KLHL32: variants seen among roughly 807,000 people sequenced by gnomAD.
The protein encoded by KLHL32 is kelch like family member 32.
Under a neutral mutation model 64.8 loss-of-function variants are expected in KLHL32, and 35 were observed. The ratio of observed to expected loss-of-function variants is 0.54; its 90% CI spans 0.41 to 0.72. The LOEUF (loss-of-function observed/expected upper bound fraction) is 0.72, where lower values mean the gene tolerates loss of function less well. Among genes scored for constraint, KLHL32 ranks in the 30% least tolerant of loss-of-function variants. The probability of loss-of-function intolerance (pLI) is 0.00; values close to 1 mark genes in which losing one functional copy is unlikely to be tolerated. For missense variants in KLHL32, 589 were observed against 768.5 expected (o/e 0.77, Z 2.76); for synonymous variants, 259 against 281.0 (o/e 0.92, Z 0.78).
At chr6:97,119,811 C>A (rs2128215199) in intron 7 of KLHL32, among the ~76,000 whole-genome samples, 1 of 152,086 alleles carries the variant, frequency 6.6e-6, no homozygotes, top group African/African-American at 2.4e-5. Flanking sequence ...CATGTAACAG[C>A]CTCATTTTTT....
chr6:96,975,248 A>G (rs2128042958), intron 2 of KLHL32, among the ~76,000 whole-genome samples: 1 of 152,384 alleles, frequency 6.6e-6, no homozygotes, highest in East Asian at 1.9e-4. Flanking sequence ...GCAATCTCAC[A>G]AAGTAGAACA....
intron 1 of KLHL32, among the ~76,000 whole-genome samples, chr6:96,935,345 G>C (rs1032147507): frequency 1.3e-5 from 2 of 152,186 alleles, no homozygotes; most frequent in Non-Finnish European, 2.9e-5. Flanking sequence ...TGAAGAAAAA[G>C]TCTTTTGACC....
At position 97,036,386 on chromosome 6, in the gene KLHL32, A is replaced by G. The variant is rs542399634; in HGVS notation, c.205-5106A>G. Among the ~76,000 whole-genome samples the G allele has an allele frequency of 5.3e-5, 8 of 152,320 alleles. No homozygotes were observed. The South Asian group carries it at 1.7e-3, about 32-fold the overall frequency. ...CATTTCTTTGGGATCATTACTGGAA[A>G]TTATCATATTCCTTTAGTGGTGTTA... On this transcript the variant is annotated intron_variant, in intron 3 of 10. Coordinates refer to ENST00000369261, the MANE Select transcript of KLHL32 (RefSeq NM_052904.4).
chr6:96,990,564 C>A (rs1777734130), intron 3 of KLHL32, among the ~76,000 whole-genome samples: 1 of 152,192 alleles, frequency 6.6e-6, no homozygotes. Flanking sequence ...GTGCACACTG[C>A]AGCTCTGGGG....
At chr6:97,082,362 C>A (rs1387989019) in intron 5 of KLHL32, among the ~76,000 whole-genome samples, 2 of 152,166 alleles carry the variant, frequency 1.3e-5, no homozygotes, top group East Asian at 1.9e-4. Context: ...ACCTGTAATC[C>A]CAGCACTTTG....
chr6:97,083,129 T>A (rs895590205), intron 5 of KLHL32, among the ~76,000 whole-genome samples: 1 of 152,092 alleles, frequency 6.6e-6, no homozygotes, highest in East Asian at 1.9e-4. Context: ...CCGTGGCTCA[T>A]GCCTGTAATC....
At chr6:97,009,072 T>C (rs1780033795) in intron 3 of KLHL32, among the ~76,000 whole-genome samples, 1 of 151,880 alleles carries the variant, frequency 6.6e-6, no homozygotes, top group Admixed American at 6.6e-5. Flanking sequence ...TCTTCTCCAA[T>C]TGTAAAAGCA....
chr6:96,993,618 C>G (rs1347627881), intron 3 of KLHL32, among the ~76,000 whole-genome samples: 1 of 152,152 alleles, frequency 6.6e-6, no homozygotes, highest in African/African-American at 2.4e-5. Context: ...TTGTTGCACC[C>G]TTCTCCTGTC....
intron 3 of KLHL32, among the ~76,000 whole-genome samples, chr6:97,005,693 T>G (rs1779583310): frequency 6.6e-6 from 1 of 152,210 alleles, no homozygotes; most frequent in African/African-American, 2.4e-5. Context: ...TGATTCTCAT[T>G]AGTTTCAAAT....
At position 97,102,063 on chromosome 6, in the gene KLHL32, A is replaced by G. The variant is rs976254632; in HGVS notation, c.628-11720A>G. 7.2e-5 allele frequency among the ~76,000 whole-genome samples: 11 copies of G among 152,314 alleles called. No individual in the cohort carries two copies. In the East Asian group the frequency reaches 1.5e-3, roughly 21 times the overall value. On this transcript the variant is annotated intron_variant, in intron 6 of 10. Coordinates refer to ENST00000369261, the MANE Select transcript of KLHL32 (RefSeq NM_052904.4). ...TTCCGTAGAACCCTATGACATAGGT[A>G]TTATCATACTTGTTTTGCTGAGTAT...
chr6:97,030,522 C>A (rs1490208535), intron 3 of KLHL32, among the ~76,000 whole-genome samples: 1 of 152,190 alleles, frequency 6.6e-6, no homozygotes, highest in East Asian at 1.9e-4. Context: ...TTATCAGCCA[C>A]AAATGAGCTG....
chr6:96,990,433 A>C lies in KLHL32; in HGVS notation c.204+14256A>C, dbSNP rs140922827. 1.3e-3 allele frequency among the ~76,000 whole-genome samples: 195 copies of C among 152,300 alleles called. 1 individual carries two copies. The highest frequency in any genetic ancestry group is 4.5e-3 in the African/African-American group (188 of 41,554). On this transcript the variant is annotated intron_variant, in intron 3 of 10. Transcript: ENST00000369261. ...TAAGTATAATGGTAAGTTCTTGCTC[A>C]ACCACGTGGCTCCTCTGTATTTCCT...
At chr6:97,108,815 C>T (rs991339167) in intron 6 of KLHL32, among the ~76,000 whole-genome samples, 6 of 152,212 alleles carry the variant, frequency 3.9e-5, no homozygotes, top group East Asian at 1.9e-4. Flanking sequence ...CTACCTCATC[C>T]GTAATATTAA....
chr6:97,083,116 G>A (rs1295104698), intron 5 of KLHL32, among the ~76,000 whole-genome samples: 1 of 152,140 alleles, frequency 6.6e-6, no homozygotes, highest in Non-Finnish European at 1.5e-5. Context: ...GGAAGGCTGG[G>A]TGCCGTGGCT....
chr6:96,925,500 C>T (rs1048628541), intron 1 of KLHL32, among the ~76,000 whole-genome samples: 1 of 152,174 alleles, frequency 6.6e-6, no homozygotes, highest in Non-Finnish European at 1.5e-5. Flanking sequence ...AATTTTTCAA[C>T]GGATTGTGTC....
At chr6:97,059,240 T>A (rs1788486309) in intron 4 of KLHL32, among the ~76,000 whole-genome samples, 1 of 152,124 alleles carries the variant, frequency 6.6e-6, no homozygotes, top group Non-Finnish European at 1.5e-5. Flanking sequence ...ATTAAAGGAA[T>A]GAGGAGGACA....
chr6:96,975,975 A>T, intron 2 of KLHL32, 22 bp from the exon 3 acceptor site: 1 of 1,501,108 alleles, frequency 6.7e-7, no homozygotes, highest in Non-Finnish European at 9.0e-7. Context: ...AAAAATGTTG[A>T]CTTGATTGCT....
chr6:96,952,535 A>G (rs1263293511), intron 1 of KLHL32, among the ~76,000 whole-genome samples: 6 of 152,176 alleles, frequency 3.9e-5, no homozygotes, highest in Non-Finnish European at 7.3e-5. Flanking sequence ...GAATTTAGCT[A>G]AAGTCTAACT....
intron 3 of KLHL32, among the ~76,000 whole-genome samples, chr6:96,977,012 C>T (rs1775776163): frequency 6.6e-6 from 1 of 152,142 alleles, no homozygotes. Context: ...ATCTTGTTTA[C>T]CAGAGCTTTG....
Sources: allele counts gnomAD v4.1 joint callset (sites outside exome capture counted in the v4.1 genomes callset), GRCh38; gene constraint gnomAD v4.1.1; transcripts MANE v1.5; gene names NCBI Gene and HGNC (gene_info 2026-07-23, HGNC 2026-07-21).